PPIL4: variants seen among roughly 807,000 people sequenced by gnomAD.
PPIL4 encodes the protein peptidylprolyl isomerase like 4.
PPIL4 carries 50 observed loss-of-function variants against 69.1 expected under a neutral mutation model. The ratio of observed to expected loss-of-function variants is 0.72; its 90% CI spans 0.58 to 0.92. PPIL4 has a LOEUF of 0.92. PPIL4 is among the 40% of genes least tolerant of loss of function. The pLI is 0.00. For missense variants in PPIL4, 480 were observed against 587.9 expected, an observed-to-expected ratio of 0.82 and a Z score of 1.90; for synonymous variants, 193 against 191.6, an observed-to-expected ratio of 1.01 and a Z score of -0.06.
At chr6:149,534,224 G>T (rs532108251) in intron 6 of PPIL4, among the ~76,000 whole-genome samples, 96 of 152,246 alleles carry the variant, frequency 6.3e-4, no homozygotes, top group Middle Eastern at 6.8e-3. Flanking sequence ...GAAGAGAAAT[G>T]ATCTGACAAT....
chr6:149,507,242 C>T (rs1228826307), intron 12 of PPIL4, among the ~76,000 whole-genome samples: 2 of 152,110 alleles, frequency 1.3e-5, no homozygotes, highest in Non-Finnish European at 2.9e-5. Context: ...AGATACTGTA[C>T]ACCTTGAGTT....
Position 149,505,389 on chromosome 6 carries a change from TC to T in PPIL4, c.*63del. On this transcript the variant is annotated 3_prime_UTR_variant, in exon 13 of 13. Transcript: ENST00000253329. ...TGACACAAAATCTAAGCATCTGCTT[TC>T]CTGGCACTCTTAAGTTAGACAAGAG... The T allele has an allele frequency of 6.1e-6, 9 of 1,486,572 alleles. No homozygotes were observed. Among genetic ancestry groups the T allele is most frequent in the Non-Finnish European group, 9.1e-7 (1 of 1,098,936 alleles). The allele number at this position is 1,486,572 out of a possible 1,614,324, so 92.1% of individuals were successfully genotyped here.
At chr6:149,534,826 C>A (rs1777250354) in intron 5 of PPIL4, 52 bp from the exon 6 acceptor site, 2 of 1,106,144 alleles carry the variant, frequency 1.8e-6, no homozygotes, top group Non-Finnish European at 1.3e-6. Flanking sequence ...ATTTCAGAAT[C>A]CTATTTTATT....
rs899839144 is a variant in PPIL4, at chr6:149,516,656, T to C, written c.1079+698A>G. Among the ~76,000 whole-genome samples, 43 of 152,210 alleles carry C rather than the reference T, an allele frequency of 2.8e-4. 2 individuals are homozygous for C. Among genetic ancestry groups the C allele is most frequent in the Admixed American group, 2.6e-3 (39 of 15,284 alleles). ...AGTATGTTTCATTACTTTTTACATG[T>C]CTCAACCTAAAACTTGGAAGAACCT... On this transcript the variant is annotated intron_variant, in intron 11 of 12. Transcript: ENST00000253329.
At chr6:149,513,983 A>G (rs1286095900) in intron 11 of PPIL4, among the ~76,000 whole-genome samples, 1 of 152,218 alleles carries the variant, frequency 6.6e-6, no homozygotes, top group Non-Finnish European at 1.5e-5. Context: ...AGCTATGCTA[A>G]TTACATGTGG....
intron 9 of PPIL4, among the ~76,000 whole-genome samples, chr6:149,522,713 A>C (rs1291032552): frequency 6.6e-6 from 1 of 152,148 alleles, no homozygotes; most frequent in Non-Finnish European, 1.5e-5. Context: ...CCCGAGTTCA[A>C]GCAATTCTCC....
Position 149,505,508 on chromosome 6 carries a change from T to C in PPIL4, c.1424A>G (p.Asp475Gly). 6.2e-7 allele frequency: 1 copy of C among 1,614,086 alleles called. No homozygotes were observed. Among genetic ancestry groups the C allele is most frequent in the East Asian group, 2.2e-5 (1 of 44,882 alleles). The change falls in exon 13 of 13, where the codon GAC becomes GGC. Residue 475 changes from aspartate (D) to glycine (G), a missense_variant. Coordinates refer to ENST00000253329, the MANE Select transcript of PPIL4 (RefSeq NM_139126.4). Reference sequence around the variant, plus strand: ...GGACTTCTTTGGACTTCTGCTTCGGTCTCTCTTTTTACTCCTTTCTCTTTC... The same window carrying C: ...GGACTTCTTTGGACTTCTGCTTCGGCCTCTCTTTTTACTCCTTTCTCTTTC... Reference protein sequence around the residue: ...LYERERSKKRDRSRSPKKSKD... With the variant: ...LYERERSKKRGRSRSPKKSKD...
chr6:149,509,478 G>A (rs1026212249), intron 12 of PPIL4, among the ~76,000 whole-genome samples: 1 of 152,160 alleles, frequency 6.6e-6, no homozygotes. Flanking sequence ...AGCACATGGA[G>A]GGGGAAAGAA....
intron 11 of PPIL4, among the ~76,000 whole-genome samples, chr6:149,515,615 A>G (rs193218984): frequency 7.2e-4 from 110 of 152,304 alleles, no homozygotes; most frequent in African/African-American, 2.6e-3. Flanking sequence ...CAGGAACTGA[A>G]TATCTTTCAT....
intron 8 of PPIL4, 29 bp downstream of exon 8, chr6:149,526,623 A>C: frequency 6.3e-7 from 1 of 1,575,910 alleles, no homozygotes; most frequent in Non-Finnish European, 8.6e-7. Flanking sequence ...GTTTTTCTAA[A>C]TATCTCTTTC....
chr6:149,529,775 AAAAG>A (rs1777165235), intron 7 of PPIL4, among the ~76,000 whole-genome samples: 2 of 151,910 alleles, frequency 1.3e-5, no homozygotes, highest in Admixed American at 1.3e-4. Flanking sequence ...AAAAAAAAAA[AAAAG>A]GAGGGAAAGA....
At chr6:149,508,438 A>G (rs1471355944) in intron 12 of PPIL4, among the ~76,000 whole-genome samples, 1 of 152,216 alleles carries the variant, frequency 6.6e-6, no homozygotes, top group African/African-American at 2.4e-5. Flanking sequence ...AAAGAAAAGA[A>G]AAAACGAAGA....
In PPIL4 at chr6:149,526,776, C is replaced by T. The variant is rs1777114413; in HGVS notation, c.679G>A (p.Val227Met). The T allele has an allele frequency of 1.9e-6, 3 of 1,611,674 alleles. No homozygotes were observed. The highest frequency in any genetic ancestry group is 1.3e-5 in the African/African-American group (1 of 74,848). The change falls in exon 8 of 13, where the codon GTG becomes ATG. Residue 227 changes from valine to methionine, a missense_variant and splice_region_variant. Coordinates refer to ENST00000253329, the MANE Select transcript of PPIL4 (RefSeq NM_139126.4). ...AKTQAILLEMVGDLPDADIKP... is the reference protein window; with the variant it reads ...AKTQAILLEMMGDLPDADIKP... ...ATATCTGCATCAGGTAGGTCTCCCA[C>T]CTAAATTACAAACAAACAAAAACAT...
chr6:149,516,787 A>T (rs934720875), intron 11 of PPIL4, among the ~76,000 whole-genome samples: 2 of 152,190 alleles, frequency 1.3e-5, no homozygotes, highest in African/African-American at 4.8e-5. Flanking sequence ...ACAATATACT[A>T]TACCGAAAGA....
In PPIL4 at chr6:149,535,758, A is replaced by T. The variant is rs1777267228; in HGVS notation, c.322-20T>A. On this transcript the variant is annotated intron_variant, in intron 4 of 12. Coordinates refer to ENST00000253329, the MANE Select transcript of PPIL4 (RefSeq NM_139126.4). ...AAGAAACTATAAAGAAGGACACATA[A>T]TAAATACCATAAAAATAATACATAA... 5 of 1,514,908 alleles carry T rather than the reference A, an allele frequency of 3.3e-6. No homozygotes were observed. The African/African-American group carries it at 6.9e-5, about 21-fold the overall frequency. The allele number at this position is 1,514,908 out of a possible 1,614,324, so 93.8% of individuals were successfully genotyped here. A position where few individuals can be genotyped will look rare whatever the true frequency, so the allele number is the denominator to read the frequency against.
chr6:149,534,638 A>C, intron 6 of PPIL4, 40 bp downstream of exon 6: 2 of 994,078 alleles, frequency 2.0e-6, no homozygotes, highest in Non-Finnish European at 3.1e-6. Flanking sequence ...ACAAATCATT[A>C]ATATGAATGT....
chr6:149,528,007 A>T (rs1011285253), intron 7 of PPIL4, among the ~76,000 whole-genome samples: 3 of 152,194 alleles, frequency 2.0e-5, no homozygotes, highest in African/African-American at 7.2e-5. Context: ...TGTAATCCCA[A>T]CACTTTGGGA....
At chr6:149,515,976 A>G (rs1337704304) in intron 11 of PPIL4, among the ~76,000 whole-genome samples, 1 of 152,206 alleles carries the variant, frequency 6.6e-6, no homozygotes, top group Non-Finnish European at 1.5e-5. Context: ...TAACTGACTT[A>G]AGACAATTTA....
intron 7 of PPIL4, among the ~76,000 whole-genome samples, chr6:149,529,624 G>A (rs137973690): frequency 0.012 from 1,785 of 151,010 alleles, 39 homozygotes; most frequent in African/African-American, 0.041. Context: ...TTAGCCGGGC[G>A]CGGTGGCACG....
Sources: allele counts gnomAD v4.1 joint callset (sites outside exome capture counted in the v4.1 genomes callset), GRCh38; gene constraint gnomAD v4.1.1; transcripts MANE v1.5; gene names NCBI Gene and HGNC (gene_info 2026-07-23, HGNC 2026-07-21).